DOCK4: variants seen among roughly 807,000 people sequenced by gnomAD.
DOCK4 encodes dedicator of cytokinesis protein 4.
Under a neutral mutation model 268.1 loss-of-function variants are expected in DOCK4, and 97 were observed. The ratio of observed to expected loss-of-function variants is 0.36; its 90% CI spans 0.31 to 0.43. DOCK4 has a LOEUF of 0.43. Among genes scored for constraint, DOCK4 ranks in the 20% least tolerant of loss-of-function variants. The pLI is 1.00. For missense variants in DOCK4, 2,145 were observed against 2,455.7 expected, an observed-to-expected ratio of 0.87 and a Z score of 2.67; for synonymous variants, 954 against 887.2, an observed-to-expected ratio of 1.08 and a Z score of -1.34.
chr7:111,875,979 TAGAA>T (rs1562832689), intron 17 of DOCK4, among the ~76,000 whole-genome samples: 1 of 152,172 alleles, frequency 6.6e-6, no homozygotes, highest in Admixed American at 6.5e-5. Flanking sequence ...CTAATCCACA[TAGAA>T]TAAATAAAAA....
intron 32 of DOCK4, among the ~76,000 whole-genome samples, chr7:111,788,131 C>T (rs778339276): frequency 7.9e-5 from 12 of 152,158 alleles, no homozygotes; most frequent in Non-Finnish European, 1.3e-4. Context: ...ACAGAATTTA[C>T]TAAAAGTGAT....
At chr7:111,886,422 C>T (rs1475098207) in intron 16 of DOCK4, among the ~76,000 whole-genome samples, 2 of 152,184 alleles carry the variant, frequency 1.3e-5, no homozygotes, top group Non-Finnish European at 1.5e-5. Flanking sequence ...CTTGAGGGCA[C>T]TGCATGTCTG....
intron 23 of DOCK4, among the ~76,000 whole-genome samples, chr7:111,849,645 G>A (rs1804392309): frequency 6.6e-6 from 1 of 152,140 alleles, no homozygotes; most frequent in African/African-American, 2.4e-5. Flanking sequence ...GCACCAAAAT[G>A]CTAACTGGAA....
chr7:111,959,818 T>G (rs1164541173), intron 8 of DOCK4, among the ~76,000 whole-genome samples: 2 of 152,202 alleles, frequency 1.3e-5, no homozygotes, highest in Non-Finnish European at 2.9e-5. Context: ...CTCAATTTTC[T>G]CATTCTTTTC....
rs192350856 is a variant in DOCK4 at position 111,957,573 on chromosome 7, G to A, written c.702-11775C>T. 7.9e-5 allele frequency among the ~76,000 whole-genome samples: 12 copies of A among 152,202 alleles called. No individual in the cohort carries two copies. In the East Asian group the frequency reaches 2.3e-3, roughly 29 times the overall value. ...TGTCTACTAGCAAAGTTTTATCTTTGGAAAAGGAACTAACAAGGACTGCAT... is the reference window on the plus strand; with the variant it reads ...TGTCTACTAGCAAAGTTTTATCTTTAGAAAAGGAACTAACAAGGACTGCAT... On this transcript the variant is annotated intron_variant, in intron 8 of 52. Transcript: ENST00000428084.
intron 1 of DOCK4, among the ~76,000 whole-genome samples, chr7:112,153,334 A>T (rs1402508661): frequency 1.3e-5 from 2 of 152,164 alleles, no homozygotes; most frequent in African/African-American, 2.4e-5. Flanking sequence ...AAATACTAAA[A>T]TCACAGTGTT....
At chr7:112,077,281 T>C (rs1808157399) in intron 1 of DOCK4, among the ~76,000 whole-genome samples, 1 of 152,032 alleles carries the variant, frequency 6.6e-6, no homozygotes. Context: ...AACATCATAC[T>C]AGCAAAAAAC....
intron 8 of DOCK4, among the ~76,000 whole-genome samples, chr7:111,963,420 C>A (rs1443075804): frequency 2.4e-5 from 3 of 123,592 alleles, no homozygotes; most frequent in Non-Finnish European, 4.7e-5. Context: ...AGGGAGTTCC[C>A]TTTCTGAGTC....
At chr7:112,205,215 C>T (rs1821293333) in intron 1 of DOCK4, among the ~76,000 whole-genome samples, 1 of 152,150 alleles carries the variant, frequency 6.6e-6, no homozygotes, top group African/African-American at 2.4e-5. Flanking sequence ...TTACACAGAA[C>T]AGCGAGAGCT....
chr7:111,840,845 G>A (rs1803629334), intron 25 of DOCK4: 1 of 1,351,236 alleles, frequency 7.4e-7, no homozygotes, highest in African/African-American at 1.5e-5. Flanking sequence ...GCCATGTGAA[G>A]ACTCCCTATT....
At chr7:111,859,867 G>A (rs904946703) in intron 23 of DOCK4, among the ~76,000 whole-genome samples, 2 of 152,068 alleles carry the variant, frequency 1.3e-5, no homozygotes, top group African/African-American at 4.8e-5. Flanking sequence ...GCGCCCGGCC[G>A]TGTGTTAATT....
intron 1 of DOCK4, among the ~76,000 whole-genome samples, chr7:112,006,561 A>G (rs1412764536): frequency 6.6e-5 from 10 of 152,222 alleles, no homozygotes; most frequent in Non-Finnish European, 7.3e-5. Flanking sequence ...AATATGTAAT[A>G]AACATTAAAG....
At chr7:111,728,982 A>C (rs529213825) in intron 52 of DOCK4, among the ~76,000 whole-genome samples, 1 of 152,312 alleles carries the variant, frequency 6.6e-6, no homozygotes, top group South Asian at 2.1e-4. Flanking sequence ...ACCTTGCAGG[A>C]AGGGCGGTCT....
chr7:111,874,913 T>C (rs560451592), intron 17 of DOCK4, among the ~76,000 whole-genome samples: 2 of 152,352 alleles, frequency 1.3e-5, no homozygotes, highest in South Asian at 4.1e-4. Context: ...CTAGAGACCA[T>C]ATCACTTAGT....
intron 27 of DOCK4, among the ~76,000 whole-genome samples, chr7:111,816,433 T>C (rs1476032070): frequency 6.6e-6 from 1 of 152,166 alleles, no homozygotes; most frequent in Non-Finnish European, 1.5e-5. Context: ...TGGGAATGCA[T>C]CTAAACGAGT....
At chr7:111,753,633 A>G (rs1292988730) in intron 42 of DOCK4, among the ~76,000 whole-genome samples, 1 of 152,238 alleles carries the variant, frequency 6.6e-6, no homozygotes, top group Admixed American at 6.5e-5. Context: ...CTTGGTTTTC[A>G]GATGCTGACA....
rs969396709 is a variant in DOCK4, at chr7:111,841,182, T to C, written c.2736+3581A>G. Among the ~76,000 whole-genome samples, 9 of 147,908 alleles carry C rather than the reference T, an allele frequency of 6.1e-5. 1 individual carries two copies. The South Asian group carries it at 1.3e-3, about 21-fold the overall frequency. Reference sequence around the variant, plus strand: ...ATTTATTTATTTATTTATTTATTTATGAGACAGGGTCTCACTCTGTCACCT... The same window carrying C: ...ATTTATTTATTTATTTATTTATTTACGAGACAGGGTCTCACTCTGTCACCT... On this transcript the variant is annotated intron_variant, in intron 25 of 52. Transcript: ENST00000428084.
intron 8 of DOCK4, among the ~76,000 whole-genome samples, chr7:111,948,608 T>TC (rs1385654922): frequency 6.6e-6 from 1 of 151,884 alleles, no homozygotes; most frequent in African/African-American, 2.4e-5. Flanking sequence ...TTTTTTTTTT[T>TC]CCCGAGACGG....
chr7:111,861,398 C>T (rs1158759797), intron 23 of DOCK4, among the ~76,000 whole-genome samples: 1 of 151,532 alleles, frequency 6.6e-6, no homozygotes. Context: ...GAATATCATA[C>T]AACAGTAAAA....
Sources: allele counts gnomAD v4.1 joint callset (sites outside exome capture counted in the v4.1 genomes callset), GRCh38; gene constraint gnomAD v4.1.1; transcripts MANE v1.5; gene names NCBI Gene and HGNC (gene_info 2026-07-23, HGNC 2026-07-21).